CYB5D2: variants seen among roughly 807,000 people sequenced by gnomAD.
The protein encoded by CYB5D2 is cytochrome b5 domain containing 2.
Under a neutral mutation model 22.8 loss-of-function variants are expected in CYB5D2, and 23 were observed. That is an observed-to-expected ratio of 1.01 (90% CI 0.73 to 1.43). The LOEUF is 1.43. Ranked by LOEUF, CYB5D2 falls within the 40% of genes most tolerant of loss-of-function variation. CYB5D2 has a pLI of 0.00. For missense variants in CYB5D2, 373 were observed against 357.2 expected (o/e 1.04, Z -0.36); for synonymous variants, 170 against 152.2 (o/e 1.12, Z -0.86).
chr17:4,143,635 T>A lies in CYB5D2; in HGVS notation c.-121T>A. 2 of 1,389,330 alleles carry A rather than the reference T, an allele frequency of 1.4e-6. No homozygotes were observed. Among genetic ancestry groups the A allele is most frequent in the Non-Finnish European group, 1.9e-6 (2 of 1,027,420 alleles). 86.1% of individuals were successfully genotyped at this position (1,389,330 alleles called of 1,614,324 possible). On this transcript the variant is annotated 5_prime_UTR_variant, in exon 1 of 4. Transcript: ENST00000301391. Reference sequence around the variant, plus strand: ...AGACTAAGGGAGGGAGCGCGAGCACTAGCGCGCGAGAGAGAGAGCGAGAGC... The same window carrying A: ...AGACTAAGGGAGGGAGCGCGAGCACAAGCGCGCGAGAGAGAGAGCGAGAGC...
At chr17:4,144,093 T>G (rs751568563) in intron 1 of CYB5D2, 88 bp downstream of exon 1, 2 of 1,489,122 alleles carry the variant, frequency 1.3e-6, no homozygotes, top group African/African-American at 1.4e-5. Flanking sequence ...TATTCATCTA[T>G]TTCCCCCCCC....
chr17:4,157,403 A>C lies in CYB5D2; in HGVS notation c.*321A>C. 7.3e-6 allele frequency: 3 copies of C among 410,332 alleles called. No individual in the cohort carries two copies. Among genetic ancestry groups the C allele is most frequent in the East Asian group, 5.1e-5 (1 of 19,682 alleles). The allele number at this position is 410,332 out of a possible 1,614,324, so 25.4% of individuals were successfully genotyped here. On this transcript the variant is annotated 3_prime_UTR_variant, in exon 4 of 4. Coordinates refer to ENST00000301391, the MANE Select transcript of CYB5D2 (RefSeq NM_144611.4). This position sits in a 1 kb window ranked among gnomAD's most constrained non-coding sequence, Gnocchi z 4.4. ...AATTTCCACTTGAATTTACAACCAA[A>C]AGCCTGCTGAGTTGATTACAGCTGG...
rs144619941 is a variant in CYB5D2, at chr17:4,153,144, A to G, written c.392-1530A>G. 3.7e-3 allele frequency among the ~76,000 whole-genome samples: 567 copies of G among 152,328 alleles called. 2 individuals carry two copies. Among genetic ancestry groups the G allele is most frequent in the Non-Finnish European group, 5.7e-3 (390 of 68,022 alleles). On this transcript the variant is annotated intron_variant, in intron 2 of 3. Coordinates refer to ENST00000301391, the MANE Select transcript of CYB5D2 (RefSeq NM_144611.4). ...CATCATAGACAAGTAAACAGATTGA[A>G]CAACTCCACATAGGACCATGCATCA...
At chr17:4,144,336 A>G (rs1461681397) in intron 1 of CYB5D2, among the ~76,000 whole-genome samples, 4 of 152,154 alleles carry the variant, frequency 2.6e-5, no homozygotes, top group Non-Finnish European at 5.9e-5. Context: ...CTTAGGGCAC[A>G]GATAAACGAG....
intron 1 of CYB5D2, among the ~76,000 whole-genome samples, chr17:4,146,951 T>C (rs1364901314): frequency 6.6e-6 from 1 of 152,202 alleles, no homozygotes; most frequent in Non-Finnish European, 1.5e-5. Flanking sequence ...TGTACCAGCA[T>C]GTAGCAGTGC....
chr17:4,144,136 T>TG, intron 1 of CYB5D2, 131 bp downstream of exon 1: 1 of 1,310,274 alleles, frequency 7.6e-7, no homozygotes, highest in Non-Finnish European at 1.0e-6. Context: ...ACCCGTGCGG[T>TG]GGGCGGGACG....
intron 2 of CYB5D2, among the ~76,000 whole-genome samples, chr17:4,153,141 T>G (rs2059075675): frequency 6.6e-6 from 1 of 152,152 alleles, no homozygotes; most frequent in Non-Finnish European, 1.5e-5. Flanking sequence ...GTAAACAGAT[T>G]GAACAACTCC....
intron 2 of CYB5D2, among the ~76,000 whole-genome samples, chr17:4,151,229 G>T (rs115221549): frequency 4.6e-5 from 7 of 152,022 alleles, no homozygotes; most frequent in African/African-American, 1.7e-4. Context: ...ATTTTCTCTC[G>T]TATGCCCAAG....
intron 2 of CYB5D2, among the ~76,000 whole-genome samples, chr17:4,153,788 G>A (rs979781750): frequency 2.6e-5 from 4 of 152,248 alleles, no homozygotes; most frequent in Non-Finnish European, 4.4e-5. Flanking sequence ...TGTAGAGGAG[G>A]AGGAGTCAGG....
At chr17:4,155,635 G>A (rs1205136739) in intron 3 of CYB5D2, among the ~76,000 whole-genome samples, 2 of 152,196 alleles carry the variant, frequency 1.3e-5, no homozygotes, top group South Asian at 2.1e-4. Context: ...ATGGAGAGAA[G>A]CTAAGATAGG....
At position 4,157,080 on chromosome 17, in the gene CYB5D2, T is replaced by C; in HGVS notation, c.793T>C (p.Ter265GlnextTer17). 6.2e-7 allele frequency: 1 copy of C among 1,612,226 alleles called. No homozygotes were observed. Among genetic ancestry groups the C allele is most frequent in the Non-Finnish European group, 8.5e-7 (1 of 1,179,996 alleles). ...AGCCATCACATGCTCCTTTCCACTC[T>C]AAGCCGTAGCCTCTTCTGTTAATAA... ...PLAITCSFPL[*>Q] Residue 265 changes from the stop codon to glutamine (Q), a stop_lost, in exon 4 of 4, where the codon TAA (stop) becomes CAA (glutamine). Transcript: ENST00000301391. The surrounding 1 kb of genome is among the most constrained non-coding windows in gnomAD (Gnocchi z 4.4).
chr17:4,150,503 A>G (rs2059044333), intron 2 of CYB5D2, among the ~76,000 whole-genome samples: 1 of 152,224 alleles, frequency 6.6e-6, no homozygotes, highest in Admixed American at 6.5e-5. Flanking sequence ...TGTGTAGGTT[A>G]CTGCACTTGC....
At chr17:4,145,359 T>C (rs1200483652) in intron 1 of CYB5D2, among the ~76,000 whole-genome samples, 1 of 152,218 alleles carries the variant, frequency 6.6e-6, no homozygotes, top group African/African-American at 2.4e-5. Context: ...TCCCCTGAGA[T>C]AGTCCAGCAG....
Position 4,157,098 on chromosome 17 carries a change from G to GTTAATAACACACAGAGAGCTCTGCCA in CYB5D2, c.*17_*42dup. On this transcript the variant is annotated 3_prime_UTR_variant, in exon 4 of 4. Transcript: ENST00000301391. The surrounding 1 kb of genome is among the most constrained non-coding windows in gnomAD (Gnocchi z 4.4). Reference sequence around the variant, plus strand: ...TCCACTCTAAGCCGTAGCCTCTTCTGTTAATAACACACAGAGAGCTCTGCC... The same window carrying GTTAATAACACACAGAGAGCTCTGCCA: ...TCCACTCTAAGCCGTAGCCTCTTCTGTTAATAACACACAGAGAGCTCTGCCATTAATAACACACAGAGAGCTCTGCC... The GTTAATAACACACAGAGAGCTCTGCCA allele has an allele frequency of 6.2e-7, 1 of 1,611,484 alleles. No individual in the cohort carries two copies.
chr17:4,156,287 C>T (rs984118730), intron 3 of CYB5D2, among the ~76,000 whole-genome samples: 1 of 152,238 alleles, frequency 6.6e-6, no homozygotes, highest in Non-Finnish European at 1.5e-5. Context: ...CTGAATCCTC[C>T]GTGTCTGAAG....
At chr17:4,148,944 A>G (rs541330663) in intron 1 of CYB5D2, among the ~76,000 whole-genome samples, 80 of 125,340 alleles carry the variant, frequency 6.4e-4, no homozygotes, top group African/African-American at 2.0e-3. Context: ...CACTATTTCA[A>G]TGTGGACTTT....
intron 2 of CYB5D2, among the ~76,000 whole-genome samples, chr17:4,153,955 C>T (rs965585756): frequency 2.6e-5 from 4 of 152,330 alleles, no homozygotes; most frequent in Middle Eastern, 6.8e-3. Context: ...CCTCTTCGGT[C>T]GCACCTCCCT....
chr17:4,154,730 C>G lies in CYB5D2; in HGVS notation c.448C>G (p.Gln150Glu), dbSNP rs142632874. The stretch of plus-strand genomic sequence containing the variant: ...TGGGCTGCCCACCCCGGCACTGACC[C>G]AGGTAGAAGCTGCGATCACCAGAGG... The part of the protein sequence containing the change: ...EDGLPTPALT[Q>E]VEAAITRGLE... Residue 150 changes from glutamine to glutamate, a missense_variant, in exon 3 of 4, where the codon CAG becomes GAG. Coordinates refer to ENST00000301391, the MANE Select transcript of CYB5D2 (RefSeq NM_144611.4). 1 of 1,614,190 alleles carries G rather than the reference C, an allele frequency of 6.2e-7. No homozygotes were observed. The highest frequency in any genetic ancestry group is 1.7e-5 in the Admixed American group (1 of 60,028).
rs115221549 is a variant in CYB5D2 at position 4,151,229 on chromosome 17, G to A, written c.391+1198G>A. On this transcript the variant is annotated intron_variant, in intron 2 of 3. Transcript: ENST00000301391. Reference sequence around the variant, plus strand: ...AGCACGCCTTTCTTCATTTTCTCTCGTATGCCCAAGATCAGTCTTGAGACC... The same window carrying A: ...AGCACGCCTTTCTTCATTTTCTCTCATATGCCCAAGATCAGTCTTGAGACC... Among the ~76,000 whole-genome samples, 1,118 of 152,020 alleles carry A rather than the reference G, an allele frequency of 7.4e-3. 14 individuals carry two copies. Among genetic ancestry groups the A allele is most frequent in the African/African-American group, 0.026 (1,058 of 41,446 alleles).
Sources: gnomAD v4.1 joint callset for allele counts (sites outside exome capture counted in the v4.1 genomes callset) on GRCh38, gnomAD v4.1.1 for gene constraint, Gnocchi (gnomAD v3.1) non-coding constraint, MANE v1.5 for transcripts, NCBI Gene and HGNC (gene_info 2026-07-23, HGNC 2026-07-21) for gene names.